Variants in USP49 observed in about 807,000 individuals in gnomAD.
The protein encoded by USP49 is ubiquitin carboxyl-terminal hydrolase 49.
Under a neutral mutation model 58.6 loss-of-function variants are expected in USP49, and 24 were observed. The ratio of observed to expected loss-of-function variants is 0.41; its 90% CI spans 0.30 to 0.58. USP49 has a LOEUF of 0.58. Ranked by LOEUF, USP49 falls within the 20% of genes least tolerant of loss-of-function variation. The probability of loss-of-function intolerance (pLI) is 0.30; values close to 1 mark genes in which losing one functional copy is unlikely to be tolerated. For missense variants in USP49, 703 were observed against 866.1 expected, an observed-to-expected ratio of 0.81 and a Z score of 2.36; for synonymous variants, 408 against 365.1, an observed-to-expected ratio of 1.12 and a Z score of -1.34.
At chr6:41,831,746 G>A (rs1773639749) in intron 3 of USP49, among the ~76,000 whole-genome samples, 1 of 151,956 alleles carries the variant, frequency 6.6e-6, no homozygotes, top group Non-Finnish European at 1.5e-5. Context: ...GCTTTTAATG[G>A]GCTGTCTGTA....
chr6:41,841,385 G>T (rs1241253410), intron 3 of USP49, among the ~76,000 whole-genome samples: 2 of 152,116 alleles, frequency 1.3e-5, no homozygotes, highest in Non-Finnish European at 2.9e-5. Context: ...CTAGGTTGAA[G>T]GCCCATCTAC....
chr6:41,850,876 C>T (rs1269134120), intron 3 of USP49, among the ~76,000 whole-genome samples: 2 of 152,048 alleles, frequency 1.3e-5, no homozygotes, highest in Non-Finnish European at 2.9e-5. Context: ...GCTAGGATTA[C>T]AGGCGTAAGC....
At chr6:41,889,552 G>A (rs1774775626) in intron 2 of USP49, among the ~76,000 whole-genome samples, 2 of 152,126 alleles carry the variant, frequency 1.3e-5, no homozygotes, top group Admixed American at 1.3e-4. Flanking sequence ...ACATGCTAGG[G>A]AGGTTCTCAA....
chr6:41,806,570 C>G lies in USP49; in HGVS notation c.414G>C (p.Gln138His). The G allele has an allele frequency of 1.2e-6, 2 of 1,603,692 alleles. No homozygotes were observed. Among genetic ancestry groups the G allele is most frequent in the Middle Eastern group, 1.7e-4 (1 of 6,046 alleles). Residue 138 changes from glutamine (Q) to histidine (H), a missense_variant, in exon 4 of 8, where the codon CAG (glutamine) becomes CAC (histidine). Coordinates refer to ENST00000682992, the MANE Select transcript of USP49 (RefSeq NM_001286554.2). This position sits in a 1 kb window ranked among gnomAD's most constrained non-coding sequence, Gnocchi z 5.9. The part of the protein sequence containing the change: ...LPQRAPQGQP[Q>H]MLTALWYRRQ... ...GCCGGTACCACAGAGCCGTGAGCAT[C>G]TGCGGCTGTCCCTGAGGAGCGCGCT...
Position 41,806,816 on chromosome 6 carries a change from T to A in USP49, c.168A>T (p.Lys56Asn). The A allele has an allele frequency of 6.2e-7, 1 of 1,614,090 alleles. No homozygotes were observed. Among genetic ancestry groups the A allele is most frequent in the East Asian group, 2.2e-5 (1 of 44,856 alleles). ...GCGGGTGTCCCGTCTCCTCAAAGTG[T>A]TTCAGGGCGTGGTCCTCAATATAGC... The part of the protein sequence containing the change: ...CGRYIEDHAL[K>N]HFEETGHPLA... The change falls in exon 4 of 8, where the codon AAA becomes AAT. Residue 56 changes from lysine (K) to asparagine (N), a missense_variant. By Grantham distance (94) the Lys-to-Asn change is moderately conservative. Around this residue, in one of 6 missense-constraint regions of USP49, gnomAD observed 376 missense variants for 373.5 expected, o/e 1.01. Coordinates refer to ENST00000682992, the MANE Select transcript of USP49 (RefSeq NM_001286554.2). This position sits in a 1 kb window ranked among gnomAD's most constrained non-coding sequence, Gnocchi z 5.9.
At chr6:41,809,951 A>C (rs1773221216) in intron 3 of USP49, among the ~76,000 whole-genome samples, 1 of 151,528 alleles carries the variant, frequency 6.6e-6, no homozygotes, top group South Asian at 2.1e-4. Context: ...GAGGATCGAG[A>C]CCATCCTGGC....
At chr6:41,888,804 T>TA in intron 2 of USP49, among the ~76,000 whole-genome samples, 1 of 152,216 alleles carries the variant, frequency 6.6e-6, no homozygotes, top group East Asian at 1.9e-4. Context: ...TCCTTCCAGT[T>TA]AAACTGAGAG....
chr6:41,798,719 C>G lies in USP49; in HGVS notation c.1876+5G>C. The G allele has an allele frequency of 6.2e-7, 1 of 1,614,086 alleles. No individual in the cohort carries two copies. The highest frequency in any genetic ancestry group is 8.5e-7 in the Non-Finnish European group (1 of 1,180,020). Reference sequence around the variant, plus strand: ...CCCCCACCCCACAGAGTAAAGCGCACGCACCTCCCTCTGTGTTGTAGCAAT... The same window carrying G: ...CCCCCACCCCACAGAGTAAAGCGCAGGCACCTCCCTCTGTGTTGTAGCAAT... On this transcript the variant is annotated splice_donor_5th_base_variant and intron_variant, in intron 7 of 7. Coordinates refer to ENST00000682992, the MANE Select transcript of USP49 (RefSeq NM_001286554.2).
chr6:41,828,670 T>C (rs867024721), intron 3 of USP49, among the ~76,000 whole-genome samples: 1 of 152,212 alleles, frequency 6.6e-6, no homozygotes, highest in Non-Finnish European at 1.5e-5. Flanking sequence ...TGTCTGCAAT[T>C]TGTCTTTTGT....
At chr6:41,845,118 C>G (rs1773899654) in intron 3 of USP49, among the ~76,000 whole-genome samples, 1 of 152,110 alleles carries the variant, frequency 6.6e-6, no homozygotes, top group Admixed American at 6.5e-5. Context: ...TCAGGCTGGT[C>G]TCGAACTCCT....
Position 41,871,652 on chromosome 6 carries a change from C to G in USP49, c.-102-15G>C, listed in dbSNP as rs1241923443. The G allele has an allele frequency of 2.6e-5, 4 of 152,052 alleles. 1 individual carries two copies. Among genetic ancestry groups the G allele is most frequent in the Admixed American group, 2.6e-4 (4 of 15,264 alleles). 9.4% of individuals were successfully genotyped at this position (152,052 alleles called of 1,614,324 possible). A position where few individuals can be genotyped will look rare whatever the true frequency, so the allele number is the denominator to read the frequency against. On this transcript the variant is annotated splice_polypyrimidine_tract_variant and intron_variant, in intron 2 of 7. Coordinates refer to ENST00000682992, the MANE Select transcript of USP49 (RefSeq NM_001286554.2). ...TTCTCTATTACCTACAAGTGGGAAA[C>G]AATCTGTAAGATTGGGCTAATACAT...
intron 3 of USP49, among the ~76,000 whole-genome samples, chr6:41,854,592 A>C (rs1774092639): frequency 6.6e-6 from 1 of 152,144 alleles, no homozygotes; most frequent in Non-Finnish European, 1.5e-5. Context: ...ATATGTCTCC[A>C]ATGTTCTTGG....
chr6:41,806,984 G>A lies in USP49; in HGVS notation c.-1C>T, dbSNP rs747218867. On this transcript the variant is annotated 5_prime_UTR_variant, in exon 4 of 8. Transcript: ENST00000682992. The surrounding 1 kb of genome is among the most constrained non-coding windows in gnomAD (Gnocchi z 5.9). ...GCCCTACATGTTTGCATCTATCCAT[G>A]TCTTATAGAAGTCGCCACTTTCTCA... 16 of 1,542,660 alleles carry A rather than the reference G, an allele frequency of 1.0e-5. No homozygotes were observed. In the South Asian group the frequency reaches 1.9e-4, roughly 18 times the overall value.
intron 3 of USP49, among the ~76,000 whole-genome samples, chr6:41,857,782 C>T (rs529943163): frequency 6.6e-6 from 1 of 152,232 alleles, no homozygotes; most frequent in African/African-American, 2.4e-5. Context: ...CCTTAAGACC[C>T]GGAATAATGA....
intron 2 of USP49, among the ~76,000 whole-genome samples, chr6:41,884,782 T>A (rs748827166): frequency 1.3e-5 from 2 of 152,216 alleles, no homozygotes; most frequent in Non-Finnish European, 2.9e-5. Context: ...TCAAGTCAGA[T>A]ATGTTTTAAT....
At chr6:41,796,777 G>C in intron 7 of USP49, 54 bp from the exon 8 acceptor site, 1 of 700,146 alleles carries the variant, frequency 1.4e-6, no homozygotes, top group Admixed American at 2.1e-5. Context: ...TCATATTTTA[G>C]TCAGCAGGCA....
rs1772804982 is a variant in USP49, at chr6:41,791,966, T to TA, written c.*4566dup. 1 of 152,250 alleles carries TA rather than the reference T, an allele frequency of 6.6e-6. No homozygotes were observed. Among genetic ancestry groups the TA allele is most frequent in the Non-Finnish European group, 1.5e-5 (1 of 68,036 alleles). The allele number at this position is 152,250 out of a possible 1,614,324, so 9.4% of individuals were successfully genotyped here. On this transcript the variant is annotated 3_prime_UTR_variant, in exon 8 of 8. Transcript: ENST00000682992. ...CAAAGATACAACTTCTTCACTTATTTAGTTCAGTAATGAGGCTGAGGGACC... is the reference window on the plus strand; with the variant it reads ...CAAAGATACAACTTCTTCACTTATTTAAGTTCAGTAATGAGGCTGAGGGACC...
rs768968121 is a variant in USP49, at chr6:41,804,062, TAC to T, written c.1357-54_1357-53del. 1.6e-5 allele frequency: 25 copies of T among 1,554,748 alleles called. No individual in the cohort carries two copies. The South Asian group carries it at 2.4e-4, about 15-fold the overall frequency. ...TTATATAACTTCCATGCTTCCTGTG[TAC>T]AGTTTTACTTGCTTCATAAAAGACA... On this transcript the variant is annotated intron_variant, in intron 4 of 7. Transcript: ENST00000682992.
chr6:41,875,340 TA>T (rs1561925022), intron 2 of USP49, among the ~76,000 whole-genome samples: 1 of 152,208 alleles, frequency 6.6e-6, no homozygotes, highest in African/African-American at 2.4e-5. Context: ...GCAAGCTCAA[TA>T]AGGTGGCACA....
Sources: allele counts gnomAD v4.1 joint callset (sites outside exome capture counted in the v4.1 genomes callset), GRCh38; gene constraint gnomAD v4.1.1; regional missense constraint gnomAD v4.1.1; non-coding constraint Gnocchi (gnomAD v3.1); transcripts MANE v1.5; gene names NCBI Gene and HGNC (gene_info 2026-07-23, HGNC 2026-07-21).